The following GPC6 variants were observed in gnomAD, a reference collection of about 807,000 sequenced individuals.
GPC6 encodes the protein glypican 6, also known as glypican-6.
In GPC6, 14 loss-of-function variants were observed where a neutral mutation model predicts 55.2. The observed-to-expected ratio is 0.25, with a 90% CI of 0.17 to 0.40. GPC6 has a LOEUF of 0.40. Ranked by LOEUF, GPC6 falls within the 10% of genes least tolerant of loss-of-function variation. The pLI is 1.00. For synonymous variants in GPC6, 278 were observed against 259.6 expected (o/e 1.07, Z -0.68); for missense variants, 641 against 708.5 (o/e 0.90, Z 1.08).
chr13:94,337,118 C>G (rs905903886), intron 6 of GPC6, among the ~76,000 whole-genome samples: 7 of 152,128 alleles, frequency 4.6e-5, no homozygotes, highest in Admixed American at 3.9e-4. Flanking sequence ...ATCCCCTGAG[C>G]CTTTGAACCA....
At chr13:94,089,914 G>A (rs4468463) in intron 4 of GPC6, among the ~76,000 whole-genome samples, 120,823 of 152,066 alleles carry the variant, frequency 0.79, 48,309 homozygotes, top group South Asian at 0.88. Context: ...GAGACCACAC[G>A]TTAGGTATAC....
intron 3 of GPC6, among the ~76,000 whole-genome samples, chr13:93,977,503 TGTGTGTGTGTGTGTGG>T (rs1398604522): frequency 4.7e-5 from 7 of 147,948 alleles, no homozygotes; most frequent in South Asian, 2.1e-4. Flanking sequence ...TGTGTGTGTG[TGTGTGTGTGTGTGTGG>T]TGTGTCTTTA....
At chr13:93,886,393 A>G (rs1350606342) in intron 3 of GPC6, among the ~76,000 whole-genome samples, 1 of 152,032 alleles carries the variant, frequency 6.6e-6, no homozygotes, top group African/African-American at 2.4e-5. Context: ...AAAGATGCTG[A>G]GTGGCTGTCC....
Position 94,405,977 on chromosome 13 carries a change from T to G in GPC6, c.*2760T>G, listed in dbSNP as rs1457199124. The G allele has an allele frequency of 2.0e-5, 3 of 152,186 alleles. No homozygotes were observed. The highest frequency in any genetic ancestry group is 4.8e-5 in the African/African-American group (2 of 41,454). 9.4% of individuals were successfully genotyped at this position (152,186 alleles called of 1,614,324 possible). ...TTTTGGAATTCAACCCTCGAATTATTTTTTCTCATTTCAGCATAGTGATAG... is the reference window on the plus strand; with the variant it reads ...TTTTGGAATTCAACCCTCGAATTATGTTTTCTCATTTCAGCATAGTGATAG... On this transcript the variant is annotated 3_prime_UTR_variant, in exon 9 of 9. Coordinates refer to ENST00000377047, the MANE Select transcript of GPC6 (RefSeq NM_005708.5).
intron 2 of GPC6, among the ~76,000 whole-genome samples, chr13:93,641,851 T>C (rs189241903): frequency 1.1e-4 from 16 of 152,254 alleles, no homozygotes; most frequent in Non-Finnish European, 1.9e-4. Context: ...TCATGTGATA[T>C]ATACTTTTTT....
At chr13:94,071,792 T>A (rs1249639100) in intron 4 of GPC6, among the ~76,000 whole-genome samples, 2 of 152,234 alleles carry the variant, frequency 1.3e-5, no homozygotes, top group Non-Finnish European at 2.9e-5. Flanking sequence ...AAATTTTTTG[T>A]TGTGCAGCCA....
intron 4 of GPC6, among the ~76,000 whole-genome samples, chr13:94,251,414 C>A (rs752597714): frequency 1.3e-5 from 2 of 151,256 alleles, no homozygotes; most frequent in African/African-American, 4.9e-5. Context: ...CACACATATA[C>A]CTATGTAACA....
At chr13:93,378,262 A>G (rs1875006133) in intron 1 of GPC6, among the ~76,000 whole-genome samples, 1 of 152,182 alleles carries the variant, frequency 6.6e-6, no homozygotes, top group Non-Finnish European at 1.5e-5. Flanking sequence ...TAAGCATGAA[A>G]CACCTTAGCA....
intron 3 of GPC6, among the ~76,000 whole-genome samples, chr13:93,969,504 G>A (rs1880191396): frequency 6.6e-6 from 1 of 152,096 alleles, no homozygotes; most frequent in Non-Finnish European, 1.5e-5. Context: ...AAGCAACCAT[G>A]AAGCTATCCT....
At chr13:93,578,331 G>T (rs1357096783) in intron 2 of GPC6, among the ~76,000 whole-genome samples, 2 of 151,886 alleles carry the variant, frequency 1.3e-5, no homozygotes, top group South Asian at 4.2e-4. Flanking sequence ...CAGTTCCTGG[G>T]CTTTTCTTTG....
At chr13:94,087,233 A>G (rs755271049) in intron 4 of GPC6, among the ~76,000 whole-genome samples, 3 of 152,190 alleles carry the variant, frequency 2.0e-5, no homozygotes, top group Non-Finnish European at 4.4e-5. Context: ...ATATTTGGAG[A>G]TATGCCAAGA....
chr13:93,965,114 T>G (rs1040161046), intron 3 of GPC6, among the ~76,000 whole-genome samples: 13 of 142,052 alleles, frequency 9.2e-5, no homozygotes, highest in African/African-American at 1.4e-4. Flanking sequence ...TTGTTTTTTT[T>G]TTTTTTTTTT....
Position 94,405,851 on chromosome 13 carries a change from A to G in GPC6, c.*2634A>G, listed in dbSNP as rs571704549. ...CAAGTTGTACTTCCTAGTTTTTATC[A>G]TCATACTACTATGTCATATGATTTT... is the stretch of plus-strand genomic sequence containing the variant. On this transcript the variant is annotated 3_prime_UTR_variant, in exon 9 of 9. Coordinates refer to ENST00000377047, the MANE Select transcript of GPC6 (RefSeq NM_005708.5). 6.6e-6 allele frequency: 1 copy of G among 152,286 alleles called. No individual in the cohort carries two copies. Among genetic ancestry groups the G allele is most frequent in the African/African-American group, 2.4e-5 (1 of 41,574 alleles). 9.4% of individuals were successfully genotyped at this position (152,286 alleles called of 1,614,324 possible).
intron 2 of GPC6, among the ~76,000 whole-genome samples, chr13:93,559,430 G>A (rs761930231): frequency 2.0e-5 from 3 of 152,156 alleles, no homozygotes; most frequent in Non-Finnish European, 2.9e-5. Context: ...ACCAACAACC[G>A]TGCTGGGCAC....
intron 2 of GPC6, among the ~76,000 whole-genome samples, chr13:93,611,289 A>T (rs1419774389): frequency 6.6e-6 from 1 of 152,078 alleles, no homozygotes; most frequent in Admixed American, 6.5e-5. Flanking sequence ...AGGTAGTTAC[A>T]ACTTTGACAA....
At position 93,539,694 on chromosome 13, in the gene GPC6, C is replaced by CTTT. The variant is rs11455046; in HGVS notation, c.161-5557_161-5555dup. On this transcript the variant is annotated intron_variant, in intron 1 of 8. Coordinates refer to ENST00000377047, the MANE Select transcript of GPC6 (RefSeq NM_005708.5). ...TAGCCAAGAGAGGAAGTGCTTGGTA[C>CTTT]TTTTTTTTTTTTTTGAGACAGGGTT... Among the ~76,000 whole-genome samples, 35 of 144,908 alleles carry CTTT rather than the reference C, an allele frequency of 2.4e-4. No homozygotes were observed. The East Asian group carries it at 2.6e-3, about 11-fold the overall frequency.
chr13:93,331,957 C>A (rs964539039), intron 1 of GPC6, among the ~76,000 whole-genome samples: 1 of 152,102 alleles, frequency 6.6e-6, no homozygotes, highest in Non-Finnish European at 1.5e-5. Context: ...TGATAACATG[C>A]AATATTTGTC....
At chr13:94,346,899 C>T (rs1417282719) in intron 6 of GPC6, among the ~76,000 whole-genome samples, 1 of 151,810 alleles carries the variant, frequency 6.6e-6, no homozygotes, top group African/African-American at 2.4e-5. Flanking sequence ...GTGACACTTC[C>T]AGAGATGACT....
At chr13:94,291,577 T>C (rs1874981487) in intron 5 of GPC6, among the ~76,000 whole-genome samples, 1 of 152,242 alleles carries the variant, frequency 6.6e-6, no homozygotes, top group African/African-American at 2.4e-5. Context: ...TGGAATTTTC[T>C]TTTAAATTTA....
Sources: gnomAD v4.1 joint callset for allele counts (sites outside exome capture counted in the v4.1 genomes callset) on GRCh38, gnomAD v4.1.1 for gene constraint, MANE v1.5 for transcripts, NCBI Gene and HGNC (gene_info 2026-07-23, HGNC 2026-07-21) for gene names.